Variants in GRK5 observed in about 807,000 individuals in gnomAD.
GRK5 encodes the protein g protein-coupled receptor kinase GRK5.
Under a neutral mutation model 78.4 loss-of-function variants are expected in GRK5, and 40 were observed. That is an observed-to-expected ratio of 0.51 (90% CI 0.40 to 0.66). The LOEUF (loss-of-function observed/expected upper bound fraction) is 0.66, where lower values mean the gene tolerates loss of function less well. Among genes scored for constraint, GRK5 ranks in the 30% least tolerant of loss-of-function variants. The pLI, the probability that GRK5 is intolerant of heterozygous loss-of-function variation, is 0.00. For synonymous variants in GRK5, 289 were observed against 296.8 expected (o/e 0.97, Z 0.27); for missense variants, 598 against 759.9 (o/e 0.79, Z 2.50).
intron 1 of GRK5, among the ~76,000 whole-genome samples, chr10:119,216,542 C>T (rs920644372): frequency 6.6e-6 from 1 of 152,222 alleles, no homozygotes; most frequent in Admixed American, 6.5e-5. Context: ...GGTGCAGTGG[C>T]TCACGCCTGT....
At chr10:119,272,231 G>A (rs551183692) in intron 1 of GRK5, among the ~76,000 whole-genome samples, 5 of 152,380 alleles carry the variant, frequency 3.3e-5, no homozygotes, top group South Asian at 4.1e-4. Flanking sequence ...CTCACCAGCT[G>A]TGTGAGCTTG....
chr10:119,418,808 C>G (rs995641683), intron 4 of GRK5, among the ~76,000 whole-genome samples: 19 of 152,154 alleles, frequency 1.2e-4, no homozygotes, highest in Non-Finnish European at 2.5e-4. Flanking sequence ...TGAGGGGGTC[C>G]CGGACCCCTG....
rs1344423386 is a variant in GRK5 at position 119,267,102 on chromosome 10, G to T, written c.52+59133G>T. Among the ~76,000 whole-genome samples, 1 of 152,022 alleles carries T rather than the reference G, an allele frequency of 6.6e-6. No individual in the cohort carries two copies. The highest frequency in any genetic ancestry group is 1.5e-5 in the Non-Finnish European group (1 of 68,004). On this transcript the variant is annotated intron_variant, in intron 1 of 15. Coordinates refer to ENST00000392870, the MANE Select transcript of GRK5 (RefSeq NM_005308.3). The surrounding 1 kb of genome is among the most constrained non-coding windows in gnomAD (Gnocchi z 4.1). ...TACTAAAAATACAAAAATTAGCCAG[G>T]CATGGTGGCGGGCGCCTGTAATCTC...
At chr10:119,248,631 C>G (rs1163973139) in intron 1 of GRK5, among the ~76,000 whole-genome samples, 1 of 151,968 alleles carries the variant, frequency 6.6e-6, no homozygotes, top group Non-Finnish European at 1.5e-5. Flanking sequence ...CAAGCTATAG[C>G]CTCCATGGCA....
chr10:119,378,886 CATT>C lies in GRK5; in HGVS notation c.149-1926_149-1924del, dbSNP rs1435562243. Among the ~76,000 whole-genome samples the C allele has an allele frequency of 2.0e-5, 3 of 152,252 alleles. No individual in the cohort carries two copies. The highest frequency in any genetic ancestry group is 4.4e-5 in the Non-Finnish European group (3 of 68,052). ...GAGGCATGGCCACCCTTGAACCTGT[CATT>C]ATGGCCAGAGAGAGAGGCCTCTGAT... On this transcript the variant is annotated intron_variant, in intron 2 of 15. Coordinates refer to ENST00000392870, the MANE Select transcript of GRK5 (RefSeq NM_005308.3). This position sits in a 1 kb window ranked among gnomAD's most constrained non-coding sequence, Gnocchi z 4.5.
intron 1 of GRK5, among the ~76,000 whole-genome samples, chr10:119,251,038 G>A (rs1365621503): frequency 1.3e-5 from 2 of 152,134 alleles, no homozygotes; most frequent in African/African-American, 4.8e-5. Context: ...TGTGCATGAG[G>A]GGAAAATGTT....
intron 9 of GRK5, 95 bp from the exon 10 acceptor site, chr10:119,439,625 ACTGTGGCCACT>A (rs1852990821): frequency 3.1e-6 from 3 of 969,010 alleles, no homozygotes; most frequent in Non-Finnish European, 4.9e-6. Flanking sequence ...AAGGAAACAC[ACTGTGGCCACT>A]CAGGCCTGAT....
chr10:119,284,421 A>T (rs1256835506), intron 1 of GRK5, among the ~76,000 whole-genome samples: 1 of 152,152 alleles, frequency 6.6e-6, no homozygotes, highest in African/African-American at 2.4e-5. Flanking sequence ...TACAAATGTG[A>T]GCCACTGAGC....
chr10:119,431,091 G>A lies in GRK5; in HGVS notation c.598-296G>A, dbSNP rs1026730063. On this transcript the variant is annotated intron_variant, in intron 7 of 15. Transcript: ENST00000392870. This position sits in a 1 kb window ranked among gnomAD's most constrained non-coding sequence, Gnocchi z 4.8. ...AATCCTGTTGCCCTGGGAATGGAAC[G>A]GTACTTGGGGCCCCAGTCAGTTATC... Among the ~76,000 whole-genome samples, 6 of 152,336 alleles carry A rather than the reference G, an allele frequency of 3.9e-5. No homozygotes were observed. The highest frequency in any genetic ancestry group is 4.1e-4 in the South Asian group (2 of 4,826).
intron 1 of GRK5, among the ~76,000 whole-genome samples, chr10:119,289,040 T>G (rs1354197050): frequency 6.6e-6 from 1 of 152,210 alleles, no homozygotes; most frequent in Non-Finnish European, 1.5e-5. Flanking sequence ...AGCAAAACTT[T>G]TTTTTCCCTC....
chr10:119,292,205 A>C (rs1246930878), intron 1 of GRK5, among the ~76,000 whole-genome samples: 5,915 of 27,840 alleles, frequency 0.21, no homozygotes, highest in East Asian at 0.25. Flanking sequence ...TCCTTCTCCT[A>C]TTCCTCCTCC....
chr10:119,278,770 G>A (rs991579428), intron 1 of GRK5, among the ~76,000 whole-genome samples: 5 of 152,142 alleles, frequency 3.3e-5, no homozygotes, highest in Admixed American at 2.6e-4. Context: ...AGCAGGATTG[G>A]GGTCCCTGGA....
chr10:119,252,529 C>A (rs550954648), intron 1 of GRK5, among the ~76,000 whole-genome samples: 1 of 152,146 alleles, frequency 6.6e-6, no homozygotes, highest in East Asian at 1.9e-4. Context: ...TGTCTCGAGA[C>A]CTGGGCATGG....
intron 1 of GRK5, among the ~76,000 whole-genome samples, chr10:119,255,038 CAAAAAA>C (rs11427427): frequency 8.8e-5 from 10 of 113,758 alleles, no homozygotes; most frequent in East Asian, 2.4e-4. Flanking sequence ...GACTCAGTCT[CAAAAAA>C]AAAAAAAAAA....
At chr10:119,394,246 G>A in intron 3 of GRK5, among the ~76,000 whole-genome samples, 1 of 986 alleles carries the variant, frequency 1.0e-3, no homozygotes, top group Non-Finnish European at 1.8e-3. Context: ...GTGGGTGTCT[G>A]TGTGTGGATG....
chr10:119,375,738 G>A (rs540316393), intron 2 of GRK5, among the ~76,000 whole-genome samples: 1 of 152,344 alleles, frequency 6.6e-6, no homozygotes, highest in East Asian at 1.9e-4. Flanking sequence ...TCCCAGGCCA[G>A]CTGTGGGCAT....
rs541560915 is a variant in GRK5, at chr10:119,261,607, C to T, written c.52+53638C>T. ...ACGCCACTGCACTCCAGCCTGGGCG[C>T]CATTGAGCACTGAGTGAACCAGACT... On this transcript the variant is annotated intron_variant, in intron 1 of 15. Transcript: ENST00000392870. Among the ~76,000 whole-genome samples the T allele has an allele frequency of 1.3e-3, 203 of 152,374 alleles. 3 individuals are homozygous for T. The highest frequency in any genetic ancestry group is 3.5e-3 in the Admixed American group (54 of 15,306).
chr10:119,224,363 G>T (rs1848701104), intron 1 of GRK5, among the ~76,000 whole-genome samples: 1 of 151,394 alleles, frequency 6.6e-6, no homozygotes. Flanking sequence ...GTGAGATCCA[G>T]TCACCCACTA....
intron 4 of GRK5, among the ~76,000 whole-genome samples, chr10:119,397,649 AG>A (rs1034799380): frequency 2.0e-5 from 3 of 152,196 alleles, no homozygotes; most frequent in African/African-American, 7.2e-5. Flanking sequence ...TGCCCATCCC[AG>A]GCTGCCAGTG....
Sources: gnomAD v4.1 joint callset for allele counts (sites outside exome capture counted in the v4.1 genomes callset) on GRCh38, gnomAD v4.1.1 for gene constraint, Gnocchi (gnomAD v3.1) non-coding constraint, MANE v1.5 for transcripts, NCBI Gene and HGNC (gene_info 2026-07-23, HGNC 2026-07-21) for gene names.